The following TAFA2 variants were observed in gnomAD, a reference collection of about 807,000 sequenced individuals.
The protein encoded by TAFA2 is chemokine-like protein TAFA-2.
TAFA2 carries 7 observed loss-of-function variants against 18.8 expected under a neutral mutation model. That is an observed-to-expected ratio of 0.37 (90% CI 0.21 to 0.70). The LOEUF (loss-of-function observed/expected upper bound fraction) is 0.70, where lower values mean the gene tolerates loss of function less well. Among genes scored for constraint, TAFA2 ranks in the 30% least tolerant of loss-of-function variants. The pLI is 0.53. For missense variants in TAFA2, 122 were observed against 158.1 expected (o/e 0.77, Z 1.23); for synonymous variants, 60 against 54.2 (o/e 1.11, Z -0.47).
chr12:61,760,075 CTTT>C (rs35014156), intron 2 of TAFA2, among the ~76,000 whole-genome samples: 1 of 137,742 alleles, frequency 7.3e-6, no homozygotes, highest in Non-Finnish European at 1.5e-5. Flanking sequence ...CTGCCCAGTG[CTTT>C]TTTTTTTTTT....
At chr12:61,961,469 C>T (rs186263558) in intron 1 of TAFA2, among the ~76,000 whole-genome samples, 1 of 151,936 alleles carries the variant, frequency 6.6e-6, no homozygotes, top group East Asian at 1.9e-4. Flanking sequence ...AGAGTTAAAC[C>T]TTCATTTTTG....
intron 1 of TAFA2, among the ~76,000 whole-genome samples, chr12:62,091,085 T>G (rs575511333): frequency 6.6e-6 from 1 of 152,166 alleles, no homozygotes; most frequent in South Asian, 2.1e-4. Context: ...GCAAGCATTT[T>G]GCTAGAAACA....
chr12:61,979,029 C>T (rs183991254), intron 1 of TAFA2, among the ~76,000 whole-genome samples: 45 of 152,154 alleles, frequency 3.0e-4, no homozygotes, highest in African/African-American at 8.4e-4. Flanking sequence ...CGGAATAATA[C>T]GCATTGCTTC....
At chr12:62,161,718 T>TA (rs1235043886) in intron 1 of TAFA2, among the ~76,000 whole-genome samples, 1 of 152,122 alleles carries the variant, frequency 6.6e-6, no homozygotes, top group Non-Finnish European at 1.5e-5. Flanking sequence ...AAGGGTAAAA[T>TA]AAAAAAAGAC....
rs1253551410 is a variant in TAFA2, at chr12:62,199,996, T to C, written c.-130+58767A>G. 2.0e-5 allele frequency among the ~76,000 whole-genome samples: 3 copies of C among 152,246 alleles called. No homozygotes were observed. In the East Asian group the frequency reaches 5.8e-4, roughly 29 times the overall value. On this transcript the variant is annotated intron_variant, in intron 1 of 5. Transcript: ENST00000551619. ...ATTGTGGTGTTAATTTGCATTTCTC[T>C]AATGATCAGTGATGTTGAGTTTTTT...
At chr12:61,801,530 G>A (rs1871397125) in intron 2 of TAFA2, among the ~76,000 whole-genome samples, 1 of 151,962 alleles carries the variant, frequency 6.6e-6, no homozygotes, top group African/African-American at 2.4e-5. Context: ...TTCAATAAAT[G>A]GATCTGGGAA....
At chr12:62,235,691 T>C (rs868535446) in intron 1 of TAFA2, among the ~76,000 whole-genome samples, 22 of 152,186 alleles carry the variant, frequency 1.4e-4, no homozygotes, top group African/African-American at 4.8e-4. Flanking sequence ...TGGTAATATG[T>C]TTAAATTTGT....
chr12:62,195,764 T>C (rs1486072779), upstream of TAFA2, among the ~76,000 whole-genome samples: 1 of 152,102 alleles, frequency 6.6e-6, no homozygotes, highest in Non-Finnish European at 1.5e-5. Context: ...ACAAGCAGAG[T>C]AGATTTATTA....
chr12:61,857,771 T>A lies in TAFA2; in HGVS notation c.106+9549A>T, dbSNP rs1425680774. Among the ~76,000 whole-genome samples, 4 of 135,424 alleles carry A rather than the reference T, an allele frequency of 3.0e-5. No individual in the cohort carries two copies. In the East Asian group the frequency reaches 8.7e-4, roughly 30 times the overall value. The allele number at this position is 135,424 out of a possible 152,430, so 88.8% of individuals were successfully genotyped here. A position where few individuals can be genotyped will look rare whatever the true frequency, so the allele number is the denominator to read the frequency against. ...AGTCTGAAGGTTCACCCCCTCCTTC[T>A]CCTGCACCTCCTCTCTTTATATCAA... On this transcript the variant is annotated intron_variant, in intron 2 of 4. Transcript: ENST00000416284.
intron 1 of TAFA2, chr12:61,880,208 C>T (rs1024123970): frequency 4.4e-5 from 22 of 499,944 alleles, no homozygotes; most frequent in South Asian, 3.6e-4. Flanking sequence ...GGCCAGGAAG[C>T]ACGGGGATAA....
chr12:61,956,484 T>C (rs1002472905), intron 1 of TAFA2, among the ~76,000 whole-genome samples: 2 of 152,136 alleles, frequency 1.3e-5, no homozygotes, highest in African/African-American at 4.8e-5. Flanking sequence ...ATAAAATGAC[T>C]ACATTTTCAG....
At chr12:61,774,698 G>A (rs1190270644) in intron 2 of TAFA2, among the ~76,000 whole-genome samples, 1 of 151,562 alleles carries the variant, frequency 6.6e-6, no homozygotes, top group African/African-American at 2.4e-5. Flanking sequence ...AGGGATAAAT[G>A]ATTATATATT....
chr12:61,857,506 T>A (rs999961403), intron 2 of TAFA2, among the ~76,000 whole-genome samples: 1 of 152,232 alleles, frequency 6.6e-6, no homozygotes, highest in Non-Finnish European at 1.5e-5. Flanking sequence ...ATTTGTCATT[T>A]TCTTCTAAAA....
At chr12:61,876,181 A>T (rs1165182412) in intron 1 of TAFA2, among the ~76,000 whole-genome samples, 1 of 152,124 alleles carries the variant, frequency 6.6e-6, no homozygotes, top group Non-Finnish European at 1.5e-5. Flanking sequence ...AGTTCTAAAT[A>T]TTTCTTCAGT....
chr12:61,953,878 T>C (rs1300743472), intron 1 of TAFA2, among the ~76,000 whole-genome samples: 3 of 152,226 alleles, frequency 2.0e-5, no homozygotes, highest in African/African-American at 7.2e-5. Flanking sequence ...GTCACCGCAC[T>C]ACACAGGCAT....
At chr12:61,999,654 C>T (rs554472316) in intron 1 of TAFA2, among the ~76,000 whole-genome samples, 64 of 152,204 alleles carry the variant, frequency 4.2e-4, no homozygotes, top group African/African-American at 1.4e-3. Context: ...TTTCTGTATC[C>T]GTATGCTGAA....
rs113946999 is a variant in TAFA2, at chr12:61,719,986, G to A, written c.385-9569C>T. 5.3e-3 allele frequency among the ~76,000 whole-genome samples: 798 copies of A among 151,716 alleles called. 9 individuals are homozygous for A. The highest frequency in any genetic ancestry group is 0.018 in the African/African-American group (758 of 41,432). The stretch of plus-strand genomic sequence containing the variant: ...AATTTCAAACTAAAATCCATTTTCT[G>A]AAGGATAGGGCAACACAGATGGCGA... On this transcript the variant is annotated intron_variant, in intron 4 of 4. Transcript: ENST00000416284.
At chr12:61,857,536 C>T (rs1403292137) in intron 2 of TAFA2, among the ~76,000 whole-genome samples, 1 of 152,128 alleles carries the variant, frequency 6.6e-6, no homozygotes, top group African/African-American at 2.4e-5. Flanking sequence ...TTCTATATCC[C>T]TCTCTGTATT....
chr12:62,021,621 C>T lies in TAFA2; in HGVS notation c.-1-154195G>A, dbSNP rs947587118. ...CAGGCGGTTCTGGCTTCCCACCCTT[C>T]TGTTCTGAGATGGGGTGGTGTGCAG... On this transcript the variant is annotated intron_variant, in intron 1 of 4. Transcript: ENST00000416284. 2.7e-6 allele frequency: 3 copies of T among 1,113,390 alleles called. No individual in the cohort carries two copies. The African/African-American group carries it at 4.6e-5, about 17-fold the overall frequency. 69.0% of individuals were successfully genotyped at this position (1,113,390 alleles called of 1,614,324 possible).
Sources: allele counts gnomAD v4.1 joint callset (sites outside exome capture counted in the v4.1 genomes callset), GRCh38; gene constraint gnomAD v4.1.1; transcripts MANE v1.5; gene names NCBI Gene and HGNC (gene_info 2026-07-23, HGNC 2026-07-21).